CTNNA2: variants seen among roughly 807,000 people sequenced by gnomAD.
CTNNA2 encodes catenin alpha-2.
CTNNA2 carries 42 observed loss-of-function variants against 101.0 expected under a neutral mutation model. The ratio of observed to expected loss-of-function variants is 0.42; its 90% CI spans 0.32 to 0.54. CTNNA2 has a LOEUF of 0.54. Among genes scored for constraint, CTNNA2 ranks in the 20% least tolerant of loss-of-function variants. The pLI is 0.14. For missense variants in CTNNA2, 871 were observed against 1,223.1 expected (o/e 0.71, Z 4.29); for synonymous variants, 450 against 456.4 (o/e 0.99, Z 0.18).
At position 80,337,345 on chromosome 2, in the gene CTNNA2, ACT is replaced by A. The variant is rs1671839099; in HGVS notation, c.1057-55863_1057-55862del. On this transcript the variant is annotated intron_variant, in intron 7 of 18. Transcript: ENST00000402739. Reference sequence around the variant, plus strand: ...ACTCTAGCCTGGGCAACAGAGCCAGACTCTGTCTCAAAAAAAAACCAACCAAA... The same window carrying A: ...ACTCTAGCCTGGGCAACAGAGCCAGACTGTCTCAAAAAAAAACCAACCAAA... 2.0e-5 allele frequency among the ~76,000 whole-genome samples: 3 copies of A among 150,248 alleles called. No homozygotes were observed. The South Asian group carries it at 6.5e-4, about 32-fold the overall frequency.
At chr2:79,824,035 A>T (rs1678226176) in intron 3 of CTNNA2, among the ~76,000 whole-genome samples, 2 of 152,334 alleles carry the variant, frequency 1.3e-5, no homozygotes, top group South Asian at 4.1e-4. Context: ...AAAGAGGGAA[A>T]GGAAATGAGA....
At chr2:79,934,896 A>T (rs1687676606) in intron 7 of CTNNA2, among the ~76,000 whole-genome samples, 1 of 152,242 alleles carries the variant, frequency 6.6e-6, no homozygotes, top group Non-Finnish European at 1.5e-5. Context: ...GATAAGTAGA[A>T]GTTTGAATGA....
At chr2:80,462,456 T>C (rs1684504926) in intron 9 of CTNNA2, among the ~76,000 whole-genome samples, 1 of 152,138 alleles carries the variant, frequency 6.6e-6, no homozygotes, top group Admixed American at 6.6e-5. Flanking sequence ...AAGCCTCTGT[T>C]TCTTGAGTTA....
chr2:80,359,051 C>G (rs1373555605), intron 7 of CTNNA2, among the ~76,000 whole-genome samples: 2 of 151,634 alleles, frequency 1.3e-5, no homozygotes, highest in Non-Finnish European at 2.9e-5. Flanking sequence ...TGTAGGCTCA[C>G]TAATGAAAAA....
chr2:79,618,611 A>G (rs1323783794), intron 1 of CTNNA2, among the ~76,000 whole-genome samples: 2 of 151,928 alleles, frequency 1.3e-5, no homozygotes, highest in Admixed American at 1.3e-4. Flanking sequence ...CCCAACTCCC[A>G]TTCTTGTTTT....
chr2:79,353,501 T>C (rs924174354), intron 3 of CTNNA2, among the ~76,000 whole-genome samples: 11 of 152,188 alleles, frequency 7.2e-5, no homozygotes, highest in Non-Finnish European at 1.2e-4. Flanking sequence ...CCCCTCTTTT[T>C]TGTTTACCAT....
intron 7 of CTNNA2, among the ~76,000 whole-genome samples, chr2:79,929,655 G>A (rs1687257513): frequency 6.6e-6 from 1 of 152,188 alleles, no homozygotes; most frequent in Admixed American, 6.5e-5. Context: ...TCTGTTGGTT[G>A]TAGGATGGCC....
At chr2:79,308,519 T>G (rs1676296947) in intron 2 of CTNNA2, among the ~76,000 whole-genome samples, 1 of 152,186 alleles carries the variant, frequency 6.6e-6, no homozygotes, top group South Asian at 2.1e-4. Flanking sequence ...ATATTCCCAT[T>G]TGTTTATTTT....
At chr2:79,612,636 T>C (rs1678355127) in intron 1 of CTNNA2, among the ~76,000 whole-genome samples, 1 of 152,172 alleles carries the variant, frequency 6.6e-6, no homozygotes. Context: ...GATTGTAGAA[T>C]GAGCTCTGTT....
chr2:80,265,757 G>C (rs780000493), intron 7 of CTNNA2, among the ~76,000 whole-genome samples: 1 of 152,116 alleles, frequency 6.6e-6, no homozygotes, highest in Non-Finnish European at 1.5e-5. Flanking sequence ...CCTTCCTTTT[G>C]CATCCTCTGT....
intron 3 of CTNNA2, among the ~76,000 whole-genome samples, chr2:79,325,076 A>G (rs986521761): frequency 2.6e-5 from 4 of 152,260 alleles, no homozygotes; most frequent in African/African-American, 9.6e-5. Flanking sequence ...TCTCATTTTT[A>G]TTGGAAGATT....
intron 7 of CTNNA2, among the ~76,000 whole-genome samples, chr2:80,362,516 A>G (rs933057586): frequency 2.0e-5 from 3 of 152,080 alleles, no homozygotes; most frequent in African/African-American, 7.2e-5. Context: ...CACATCACAC[A>G]GGGCCTAAGA....
intron 7 of CTNNA2, chr2:80,305,117 T>C (rs1224785636): frequency 1.0e-6 from 1 of 985,256 alleles, no homozygotes; most frequent in Non-Finnish European, 1.2e-6. Flanking sequence ...ACCTTTGCTT[T>C]AGAAAAGCAA....
chr2:79,551,100 G>A (rs1388662613), intron 1 of CTNNA2, among the ~76,000 whole-genome samples: 10 of 152,020 alleles, frequency 6.6e-5, no homozygotes, highest in East Asian at 3.9e-4. Flanking sequence ...TCTACTATTC[G>A]TCACTATATA....
At chr2:79,566,531 A>G (rs767791965) in intron 1 of CTNNA2, among the ~76,000 whole-genome samples, 1 of 152,172 alleles carries the variant, frequency 6.6e-6, no homozygotes, top group Non-Finnish European at 1.5e-5. Context: ...GTATATTGAT[A>G]TGCAGATACC....
At chr2:80,485,993 A>G (rs1686550802) in intron 9 of CTNNA2, among the ~76,000 whole-genome samples, 1 of 152,036 alleles carries the variant, frequency 6.6e-6, no homozygotes, top group South Asian at 2.1e-4. Flanking sequence ...TTCATGTTGA[A>G]TTTGGTTCCA....
chr2:80,430,990 C>T (rs1681445326), intron 9 of CTNNA2, among the ~76,000 whole-genome samples: 1 of 152,084 alleles, frequency 6.6e-6, no homozygotes. Flanking sequence ...ATAAAAAAGT[C>T]ACCCCCAGTA....
intron 3 of CTNNA2, among the ~76,000 whole-genome samples, chr2:79,326,161 G>C (rs1676740776): frequency 6.6e-6 from 1 of 152,064 alleles, no homozygotes; most frequent in Non-Finnish European, 1.5e-5. Context: ...TACCTTAGTG[G>C]ACTACAAAAT....
At chr2:80,305,450 T>C in intron 7 of CTNNA2, 2 of 890,950 alleles carry the variant, frequency 2.2e-6, no homozygotes, top group Non-Finnish European at 2.7e-6. Flanking sequence ...GGGCTTACCC[T>C]GACTTGTGCT....
Sources: gnomAD v4.1 joint callset for allele counts (sites outside exome capture counted in the v4.1 genomes callset) on GRCh38, gnomAD v4.1.1 for gene constraint, MANE v1.5 for transcripts, NCBI Gene and HGNC (gene_info 2026-07-23, HGNC 2026-07-21) for gene names.